CAPN7: variants seen among roughly 807,000 people sequenced by gnomAD.
CAPN7 encodes calpain 7.
A neutral mutation model predicts 115.2 loss-of-function variants in CAPN7; 72 were observed. The observed-to-expected ratio is 0.63, with a 90% CI of 0.52 to 0.76. The LOEUF (loss-of-function observed/expected upper bound fraction) is 0.76. Among genes scored for constraint, CAPN7 ranks in the 30% least tolerant of loss-of-function variants. The pLI is 0.00. For missense variants in CAPN7, 905 were observed against 971.5 expected, an observed-to-expected ratio of 0.93 and a Z score of 0.91; for synonymous variants, 344 against 322.3, an observed-to-expected ratio of 1.07 and a Z score of -0.72.
At chr3:15,229,719 G>T (rs188220785) in intron 8 of CAPN7, among the ~76,000 whole-genome samples, 55 of 151,730 alleles carry the variant, frequency 3.6e-4, no homozygotes, top group African/African-American at 1.3e-3. Flanking sequence ...GGGATTACAG[G>T]CAGTTTTACC....
chr3:15,233,672 A>T (rs1307596215), intron 10 of CAPN7, among the ~76,000 whole-genome samples, 195 bp from the exon 11 acceptor site: 3 of 152,254 alleles, frequency 2.0e-5, no homozygotes, highest in African/African-American at 7.2e-5. Flanking sequence ...CAAAGATTGT[A>T]GGGAAAAATA....
chr3:15,206,778 G>C (rs1164278541), intron 1 of CAPN7, among the ~76,000 whole-genome samples, 181 bp downstream of exon 1: 1 of 152,196 alleles, frequency 6.6e-6, no homozygotes, highest in South Asian at 2.1e-4. Context: ...CGACGCTGAG[G>C]CTGCGGGGAG....
intron 7 of CAPN7, 77 bp from the exon 8 acceptor site, chr3:15,228,896 TG>T (rs1357395039): frequency 9.5e-7 from 1 of 1,047,162 alleles, no homozygotes; most frequent in African/African-American, 1.6e-5. Context: ...AGTAGGTACT[TG>T]GGGCAATGTA....
At chr3:15,221,971 T>G (rs1262458792) in intron 5 of CAPN7, among the ~76,000 whole-genome samples, 1 of 151,582 alleles carries the variant, frequency 6.6e-6, no homozygotes, top group South Asian at 2.1e-4. Context: ...AAAATATGTG[T>G]GTATACACGT....
At chr3:15,249,070 T>C (rs1214398217) in intron 19 of CAPN7, among the ~76,000 whole-genome samples, 4 of 148,764 alleles carry the variant, frequency 2.7e-5, no homozygotes, top group South Asian at 4.2e-4. Flanking sequence ...CTAAATAAGA[T>C]TGGGCTTAAT....
intron 7 of CAPN7, 146 bp downstream of exon 7, chr3:15,228,111 CTG>C (rs1694438186): frequency 2.1e-6 from 1 of 469,788 alleles, no homozygotes; most frequent in Non-Finnish European, 3.6e-6. Flanking sequence ...CACATTTTGA[CTG>C]AAACATACTG....
At chr3:15,217,377 G>T (rs762120848) in intron 2 of CAPN7, 48 bp from the exon 3 acceptor site, 2 of 1,405,514 alleles carry the variant, frequency 1.4e-6, no homozygotes, top group South Asian at 3.1e-5. Flanking sequence ...GTGTTTTCTG[G>T]CTGTATTTAG....
intron 12 of CAPN7, among the ~76,000 whole-genome samples, chr3:15,237,803 C>T (rs116397294): frequency 6.6e-6 from 1 of 151,842 alleles, no homozygotes; most frequent in Admixed American, 6.6e-5. Context: ...GACCCCATCT[C>T]TACAATAAAT....
chr3:15,239,993 AGCCAAAG>A (rs1165465933), intron 12 of CAPN7, among the ~76,000 whole-genome samples: 1 of 152,262 alleles, frequency 6.6e-6, no homozygotes, highest in Non-Finnish European at 1.5e-5. Flanking sequence ...ACTAGATTAG[AGCCAAAG>A]GTACATGGAG....
At position 15,235,120 on chromosome 3, in the gene CAPN7, C is replaced by T; in HGVS notation, c.1382C>T (p.Ala461Val). 6.2e-7 allele frequency: 1 copy of T among 1,612,564 alleles called. No homozygotes were observed. The highest frequency in any genetic ancestry group is 8.5e-7 in the Non-Finnish European group (1 of 1,179,452). The change falls in exon 12 of 21, where the codon GCT becomes GTT. Residue 461 changes from alanine to valine, a missense_variant. By Grantham distance (64) the Ala-to-Val change is moderately conservative (BLOSUM62 0). Coordinates refer to ENST00000253693, the MANE Select transcript of CAPN7 (RefSeq NM_014296.3). ...GGTCTGGTTCCCACACACGCATATG[C>T]TGTTTTGGATATTAGAGAGTTCAAG... is the stretch of plus-strand genomic sequence containing the variant. ...KWGLVPTHAY[A>V]VLDIREFKGL...
chr3:15,233,772 A>G, intron 10 of CAPN7, 95 bp from the exon 11 acceptor site: 1 of 703,862 alleles, frequency 1.4e-6, no homozygotes. Context: ...TTCTACCAAA[A>G]TCATTATGCC....
At chr3:15,224,515 C>T (rs1024878847) in intron 6 of CAPN7, among the ~76,000 whole-genome samples, 3 of 151,976 alleles carry the variant, frequency 2.0e-5, no homozygotes, top group Admixed American at 2.0e-4. Flanking sequence ...TCAAGTGATC[C>T]ATCTGCCTCA....
rs976635086 is a variant in CAPN7, at chr3:15,220,711, A to G, written c.438-70A>G. On this transcript the variant is annotated intron_variant, in intron 4 of 20. Transcript: ENST00000253693. ...GATGCTTGACTGGTTCTTCAAGTAA[A>G]TTTTGTTTCCTGAAAAGCTTAAATG... is the stretch of plus-strand genomic sequence containing the variant. 4 of 1,414,200 alleles carry G rather than the reference A, an allele frequency of 2.8e-6. No individual in the cohort carries two copies. The African/African-American group carries it at 5.7e-5, about 20-fold the overall frequency. The allele number at this position is 1,414,200 out of a possible 1,614,324, so 87.6% of individuals were successfully genotyped here. A position where few individuals can be genotyped will look rare whatever the true frequency, so the allele number is the denominator to read the frequency against.
At chr3:15,219,966 T>C (rs1290825992) in intron 4 of CAPN7, among the ~76,000 whole-genome samples, 1 of 152,134 alleles carries the variant, frequency 6.6e-6, no homozygotes, top group Admixed American at 6.5e-5. Flanking sequence ...TTTGGGAGAC[T>C]GAGGTGGACG....
chr3:15,207,911 C>A (rs184465873), intron 1 of CAPN7, among the ~76,000 whole-genome samples: 1 of 152,226 alleles, frequency 6.6e-6, no homozygotes, highest in Non-Finnish European at 1.5e-5. Context: ...ATAGTAAATA[C>A]ATAAACCAGT....
intron 1 of CAPN7, among the ~76,000 whole-genome samples, chr3:15,208,185 G>A (rs892603509): frequency 2.1e-5 from 3 of 140,370 alleles, no homozygotes; most frequent in African/African-American, 7.9e-5. Flanking sequence ...ATATTTTTGT[G>A]TTTTTTTATG....
At chr3:15,228,946 T>C (rs1694501963) in intron 7 of CAPN7, 28 bp from the exon 8 acceptor site, 5 of 1,507,832 alleles carry the variant, frequency 3.3e-6, no homozygotes, top group African/African-American at 1.4e-5. Context: ...TGAATGAATA[T>C]GAATATGTTA....
rs780199611 is a variant in CAPN7, at chr3:15,220,790, G to T, written c.447G>T (p.Ala149=). The part of the protein sequence containing the change: ...LARQALDRAE[A]LSEPLTKPVG... The stretch of plus-strand genomic sequence containing the variant: ...TTCCTCTCTGTTATAGAGCAGAAGC[G>T]CTGAGTGAGCCTTTGACCAAGCCAG... Residue 149 remains alanine (A), a synonymous_variant, in exon 5 of 21, where the codon GCG becomes GCT. Transcript: ENST00000253693. 35 of 1,614,114 alleles carry T rather than the reference G, an allele frequency of 2.2e-5. No individual in the cohort carries two copies. Among genetic ancestry groups the T allele is most frequent in the Non-Finnish European group, 2.9e-5 (34 of 1,179,998 alleles).
At chr3:15,211,501 T>C (rs185449668) in intron 1 of CAPN7, among the ~76,000 whole-genome samples, 26 of 152,270 alleles carry the variant, frequency 1.7e-4, no homozygotes, top group Admixed American at 1.0e-3. Context: ...ATCATCAGAC[T>C]TTTAATGTGA....
Sources: gnomAD v4.1 joint callset for allele counts (sites outside exome capture counted in the v4.1 genomes callset) on GRCh38, gnomAD v4.1.1 for gene constraint, MANE v1.5 for transcripts, NCBI Gene and HGNC (gene_info 2026-07-23, HGNC 2026-07-21) for gene names.